The following ACER3 variants were observed in gnomAD, a reference collection of about 807,000 sequenced individuals.
The protein encoded by ACER3 is alkaline ceramidase 3, also known as alkCDase 3.
In ACER3, 16 loss-of-function variants were observed where a neutral mutation model predicts 48.9. That is an observed-to-expected ratio of 0.33 (90% CI 0.22 to 0.50). The LOEUF (loss-of-function observed/expected upper bound fraction) is 0.50. Ranked by LOEUF, ACER3 falls within the 20% of genes least tolerant of loss-of-function variation. The pLI is 0.98. For synonymous variants in ACER3, 109 were observed against 107.8 expected (o/e 1.01, Z -0.07); for missense variants, 227 against 326.0 (o/e 0.70, Z 2.34).
At chr11:76,872,322 T>A (rs1315690165) in intron 1 of ACER3, among the ~76,000 whole-genome samples, 1 of 152,096 alleles carries the variant, frequency 6.6e-6, no homozygotes, top group Non-Finnish European at 1.5e-5. Context: ...GTGATCTGCC[T>A]GCCTTGGGCT....
intron 1 of ACER3, among the ~76,000 whole-genome samples, chr11:76,861,931 G>A (rs1944950912): frequency 6.6e-6 from 1 of 152,192 alleles, no homozygotes; most frequent in African/African-American, 2.4e-5. Context: ...GGTTGGGCTT[G>A]TTCTGTGTGC....
At chr11:76,899,299 G>T (rs1413957482) in intron 1 of ACER3, among the ~76,000 whole-genome samples, 1 of 152,114 alleles carries the variant, frequency 6.6e-6, no homozygotes, top group Non-Finnish European at 1.5e-5. Flanking sequence ...CATATTTAAA[G>T]TTATTTCTTC....
intron 1 of ACER3, among the ~76,000 whole-genome samples, chr11:76,905,814 C>T (rs973345323): frequency 2.6e-5 from 4 of 152,050 alleles, no homozygotes; most frequent in African/African-American, 9.7e-5. Context: ...AAGCTATTTG[C>T]AAAATGATAT....
rs188327027 is a variant in ACER3 at position 76,906,564 on chromosome 11, A to C, written c.104-19993A>C. Among the ~76,000 whole-genome samples, 1,133 of 152,294 alleles carry C rather than the reference A, an allele frequency of 7.4e-3. 7 individuals carry two copies. Among genetic ancestry groups the C allele is most frequent in the African/African-American group, 0.026 (1,066 of 41,552 alleles). On this transcript the variant is annotated intron_variant, in intron 1 of 10. Coordinates refer to ENST00000532485, the MANE Select transcript of ACER3 (RefSeq NM_018367.7). ...AACCTCCAAGCCTTCAGAGAGGCTAATTTGAGTAATAACTCTGTCTTCCGT... is the reference window on the plus strand; with the variant it reads ...AACCTCCAAGCCTTCAGAGAGGCTACTTTGAGTAATAACTCTGTCTTCCGT...
At chr11:76,976,426 T>C (rs1179477259) in intron 4 of ACER3, 85 bp downstream of exon 4, 4 of 712,234 alleles carry the variant, frequency 5.6e-6, no homozygotes, top group Non-Finnish European at 9.2e-6. Flanking sequence ...GATACATTTA[T>C]ATTACTAGGA....
Position 77,020,495 on chromosome 11 carries a change from C to A in ACER3, c.*168C>A. ...CACAGAGAATAAGGAGTAGGGCCTG[C>A]TGGGTGTTTAGCTCATGGCTTTATC... On this transcript the variant is annotated 3_prime_UTR_variant, in exon 11 of 11. Coordinates refer to ENST00000532485, the MANE Select transcript of ACER3 (RefSeq NM_018367.7). The A allele has an allele frequency of 1.5e-6, 1 of 672,204 alleles. No homozygotes were observed. The highest frequency in any genetic ancestry group is 2.5e-6 in the Non-Finnish European group (1 of 405,720). The allele number at this position is 672,204 out of a possible 1,614,324, so 41.6% of individuals were successfully genotyped here. A position where few individuals can be genotyped will look rare whatever the true frequency, so the allele number is the denominator to read the frequency against.
At chr11:77,016,617 G>T in intron 8 of ACER3, 58 bp from the exon 9 acceptor site, 1 of 888,002 alleles carries the variant, frequency 1.1e-6, no homozygotes, top group Non-Finnish European at 1.8e-6. Context: ...AAGACTATCA[G>T]CGTTAGTCGC....
At chr11:76,930,255 A>G (rs1239516121) in intron 2 of ACER3, among the ~76,000 whole-genome samples, 6 of 152,110 alleles carry the variant, frequency 3.9e-5, no homozygotes, top group African/African-American at 1.4e-4. Context: ...ATTTGCATAG[A>G]GGTGTTTATA....
intron 3 of ACER3, among the ~76,000 whole-genome samples, chr11:76,963,739 A>G (rs968207242): frequency 6.6e-6 from 1 of 151,428 alleles, no homozygotes; most frequent in Non-Finnish European, 1.5e-5. Context: ...TAGAGTCTCA[A>G]GAGGTCCTTT....
At chr11:76,916,616 C>T (rs1946536184) in intron 1 of ACER3, among the ~76,000 whole-genome samples, 1 of 151,908 alleles carries the variant, frequency 6.6e-6, no homozygotes, top group South Asian at 2.1e-4. Context: ...TGATTTGGGC[C>T]CTTAAAGAAG....
chr11:76,886,777 T>G (rs1211631699), intron 1 of ACER3, among the ~76,000 whole-genome samples: 1 of 152,100 alleles, frequency 6.6e-6, no homozygotes, highest in Non-Finnish European at 1.5e-5. Flanking sequence ...GCCTCCTTGG[T>G]TCAAGCGATT....
At chr11:76,920,829 G>T (rs988615226) in intron 1 of ACER3, among the ~76,000 whole-genome samples, 5 of 151,944 alleles carry the variant, frequency 3.3e-5, no homozygotes, top group Middle Eastern at 3.4e-3. Flanking sequence ...TGTAGAGATG[G>T]GTTCTCCTTA....
At chr11:76,998,888 C>G (rs2135259820) in intron 7 of ACER3, 67 bp downstream of exon 7, 1 of 1,273,310 alleles carries the variant, frequency 7.9e-7, no homozygotes, top group Non-Finnish European at 1.1e-6. Flanking sequence ...AAATCTATAG[C>G]CTAAATCAAA....
At chr11:76,906,805 C>T (rs1329702517) in intron 1 of ACER3, among the ~76,000 whole-genome samples, 1 of 152,104 alleles carries the variant, frequency 6.6e-6, no homozygotes, top group East Asian at 1.9e-4. Flanking sequence ...AAGCAGTCCC[C>T]CCACCTTGGC....
chr11:76,868,578 C>T (rs1945163545), intron 1 of ACER3, among the ~76,000 whole-genome samples: 1 of 152,050 alleles, frequency 6.6e-6, no homozygotes, highest in African/African-American at 2.4e-5. Flanking sequence ...TTCACCTACC[C>T]AAGGCAGGAC....
chr11:76,876,353 C>T (rs1590868377), intron 1 of ACER3, among the ~76,000 whole-genome samples: 2 of 151,396 alleles, frequency 1.3e-5, no homozygotes, highest in East Asian at 1.9e-4. Flanking sequence ...TTTACTATTT[C>T]GGGTAAGGCT....
At chr11:76,933,148 T>G (rs1409395652) in intron 2 of ACER3, among the ~76,000 whole-genome samples, 1 of 141,406 alleles carries the variant, frequency 7.1e-6, no homozygotes, top group Non-Finnish European at 1.5e-5. Context: ...CTCCCTTCAC[T>G]GCTTCCCCAA....
At chr11:76,866,281 A>C (rs1246655589) in intron 1 of ACER3, among the ~76,000 whole-genome samples, 1 of 152,166 alleles carries the variant, frequency 6.6e-6, no homozygotes, top group African/African-American at 2.4e-5. Context: ...ATTCTTGGCC[A>C]ATTCTCTCCT....
chr11:76,861,453 A>T lies in ACER3; in HGVS notation c.103+374A>T, dbSNP rs554469563. Among the ~76,000 whole-genome samples, 289 of 151,998 alleles carry T rather than the reference A, an allele frequency of 1.9e-3. 1 individual carries two copies. The highest frequency in any genetic ancestry group is 6.7e-3 in the African/African-American group (277 of 41,446). On this transcript the variant is annotated intron_variant, in intron 1 of 10. Transcript: ENST00000532485. ...GAGAGTGGAGGACCCTGCCCCTTGG[A>T]ATGAGGGCCCAGGACACCTGCTCTG... is the stretch of plus-strand genomic sequence containing the variant.
Sources: gnomAD v4.1 joint callset for allele counts (sites outside exome capture counted in the v4.1 genomes callset) on GRCh38, gnomAD v4.1.1 for gene constraint, MANE v1.5 for transcripts, NCBI Gene and HGNC (gene_info 2026-07-23, HGNC 2026-07-21) for gene names.